Variants in SUGCT observed in about 807,000 individuals in gnomAD.
SUGCT encodes the protein succinyl-CoA:glutarate CoA-transferase.
A neutral mutation model predicts 55.0 loss-of-function variants in SUGCT; 41 were observed. The ratio of observed to expected loss-of-function variants is 0.74; its 90% CI spans 0.58 to 0.97. The LOEUF is 0.97. SUGCT is among the 50% of genes least tolerant of loss of function. SUGCT has a pLI of 0.00. For synonymous variants in SUGCT, 187 were observed against 200.4 expected (o/e 0.93, Z 0.56); for missense variants, 568 against 547.8 (o/e 1.04, Z -0.37).
chr7:40,903,999 C>A, the SUGCT span, among the ~76,000 whole-genome samples: 1 of 152,138 alleles, frequency 6.6e-6, no homozygotes, highest in African/African-American at 2.4e-5. Context: ...CCAAGCTTGG[C>A]GCAGCTTACA....
chr7:40,366,681 C>T (rs1354633543), intron 9 of SUGCT, among the ~76,000 whole-genome samples: 6 of 152,080 alleles, frequency 3.9e-5, no homozygotes, highest in Non-Finnish European at 8.8e-5. Flanking sequence ...TCATCACTGG[C>T]CATCAGAGAA....
chr7:40,578,156 G>C (rs908436473), intron 12 of SUGCT, among the ~76,000 whole-genome samples: 3 of 152,136 alleles, frequency 2.0e-5, no homozygotes, highest in South Asian at 2.1e-4. Flanking sequence ...TTCTGATGCC[G>C]TAGGACCATT....
chr7:40,344,366 A>G (rs963138062), intron 9 of SUGCT, among the ~76,000 whole-genome samples: 10 of 152,058 alleles, frequency 6.6e-5, no homozygotes, highest in African/African-American at 2.4e-4. Context: ...TTCATTTTCG[A>G]TATTGCAGGG....
At chr7:40,229,494 G>A (rs901132697) in intron 6 of SUGCT, among the ~76,000 whole-genome samples, 1 of 150,850 alleles carries the variant, frequency 6.6e-6, no homozygotes, top group Non-Finnish European at 1.5e-5. Context: ...ACTCCAGTCT[G>A]GGCAATAGAG....
At chr7:41,013,889 C>T in the SUGCT span, among the ~76,000 whole-genome samples, 5 of 151,804 alleles carry the variant, frequency 3.3e-5, no homozygotes, top group Middle Eastern at 3.4e-3. Flanking sequence ...GAAATTAGTT[C>T]GATGATGTCA....
chr7:40,321,078 CTTTT>C (rs35504638), intron 9 of SUGCT, among the ~76,000 whole-genome samples: 2 of 138,198 alleles, frequency 1.4e-5, no homozygotes, highest in Admixed American at 7.3e-5. Flanking sequence ...TTCTTTCTTT[CTTTT>C]TTTTTTTTTT....
chr7:40,660,388 A>G (rs1224992757), intron 12 of SUGCT, among the ~76,000 whole-genome samples: 1 of 152,052 alleles, frequency 6.6e-6, no homozygotes, highest in Non-Finnish European at 1.5e-5. Flanking sequence ...CCTCCCAAGT[A>G]GCTGGAATTA....
At chr7:40,517,310 T>A (rs1342875862) in intron 12 of SUGCT, among the ~76,000 whole-genome samples, 1 of 151,966 alleles carries the variant, frequency 6.6e-6, no homozygotes, top group Non-Finnish European at 1.5e-5. Flanking sequence ...GATGACTTTC[T>A]TTTCTTGTCT....
rs56199642 is a variant in SUGCT at position 40,756,226 on chromosome 7, A to G, written c.1153+6729A>G. 4.7e-3 allele frequency among the ~76,000 whole-genome samples: 723 copies of G among 152,278 alleles called. 8 individuals carry two copies. The highest frequency in any genetic ancestry group is 0.017 in the African/African-American group (692 of 41,550). On this transcript the variant is annotated intron_variant, in intron 13 of 13. Coordinates refer to ENST00000335693, the MANE Select transcript of SUGCT (RefSeq NM_001193313.2). ...CAAAAATGTCATAATTTGAAGTCTA[A>G]CCAGCACCCTGTATGCCAACTAGGA...
At chr7:40,416,751 C>T (rs1787024497) in intron 9 of SUGCT, among the ~76,000 whole-genome samples, 1 of 151,988 alleles carries the variant, frequency 6.6e-6, no homozygotes, top group African/African-American at 2.4e-5. Context: ...AGCTTTATTA[C>T]ATCTGGCTAG....
At chr7:40,239,737 T>A (rs1184568396) in intron 7 of SUGCT, among the ~76,000 whole-genome samples, 1 of 152,222 alleles carries the variant, frequency 6.6e-6, no homozygotes, top group Non-Finnish European at 1.5e-5. Context: ...CCTACTCAGG[T>A]GATTTTTGTT....
chr7:41,030,952 C>G, the SUGCT span, among the ~76,000 whole-genome samples: 1 of 152,034 alleles, frequency 6.6e-6, no homozygotes, highest in Non-Finnish European at 1.5e-5. Context: ...GAACCAAGTG[C>G]CACAGGATTG....
At chr7:40,766,001 G>A (rs1257450979) in intron 13 of SUGCT, among the ~76,000 whole-genome samples, 5 of 152,058 alleles carry the variant, frequency 3.3e-5, no homozygotes, top group African/African-American at 9.7e-5. Context: ...TCAACCTTTC[G>A]TGTGAGGTGG....
At chr7:40,792,246 A>G (rs1476230971) in intron 13 of SUGCT, among the ~76,000 whole-genome samples, 2 of 152,148 alleles carry the variant, frequency 1.3e-5, no homozygotes, top group Non-Finnish European at 2.9e-5. Context: ...AAGAGTGTAT[A>G]TTTTTAAAGT....
chr7:40,860,209 C>T (rs932332377), intron 13 of SUGCT, 107 bp from the exon 14 acceptor site: 1 of 1,316,662 alleles, frequency 7.6e-7, no homozygotes, highest in African/African-American at 1.4e-5. Context: ...GTAACTGGCA[C>T]TCATTGATAT....
At chr7:40,633,683 A>G (rs1029038787) in intron 12 of SUGCT, among the ~76,000 whole-genome samples, 6 of 152,208 alleles carry the variant, frequency 3.9e-5, no homozygotes, top group African/African-American at 7.2e-5. Flanking sequence ...AAACCCACCA[A>G]TTCCAAAGAT....
At chr7:40,485,861 A>G (rs1791313200) in intron 11 of SUGCT, among the ~76,000 whole-genome samples, 1 of 152,142 alleles carries the variant, frequency 6.6e-6, no homozygotes, top group African/African-American at 2.4e-5. Context: ...ATTAGGTTGA[A>G]CCATCTTTGT....
chr7:40,334,691 A>G (rs1208469931), intron 9 of SUGCT, among the ~76,000 whole-genome samples: 1 of 152,096 alleles, frequency 6.6e-6, no homozygotes, highest in Non-Finnish European at 1.5e-5. Flanking sequence ...ATTTTCTCCC[A>G]TTCTGTAGGT....
chr7:40,623,645 T>C (rs1799378564), intron 12 of SUGCT, among the ~76,000 whole-genome samples: 1 of 152,228 alleles, frequency 6.6e-6, no homozygotes, highest in Non-Finnish European at 1.5e-5. Flanking sequence ...CGTTAGAAGA[T>C]TATTTACTCA....
Sources: allele counts gnomAD v4.1 joint callset (sites outside exome capture counted in the v4.1 genomes callset), GRCh38; gene constraint gnomAD v4.1.1; transcripts MANE v1.5; gene names NCBI Gene and HGNC (gene_info 2026-07-23, HGNC 2026-07-21).